Variants in GPR141 observed in about 807,000 individuals in gnomAD.
The protein encoded by GPR141 is probable G protein-coupled receptor 141.
In GPR141, 6 loss-of-function variants were observed where a neutral mutation model predicts 6.8. The observed-to-expected ratio is 0.88, with a 90% confidence interval of 0.48 to 1.74. The LOEUF (loss-of-function observed/expected upper bound fraction) is 1.74. Among genes scored for constraint, GPR141 ranks in the 40% most tolerant of loss-of-function variants. The pLI is 0.01. For missense variants in GPR141, 372 were observed against 372.9 expected (o/e 1.00, Z 0.02); for synonymous variants, 140 against 142.3 (o/e 0.98, Z 0.11).
intron 2 of GPR141, among the ~76,000 whole-genome samples, chr7:37,725,907 G>A (rs1470077083): frequency 4.0e-5 from 6 of 148,642 alleles, no homozygotes; most frequent in Non-Finnish European, 8.9e-5. Flanking sequence ...CTCATAATTT[G>A]CAAGCCATAC....
intron 2 of GPR141, among the ~76,000 whole-genome samples, chr7:37,722,412 A>G (rs2597270): frequency 0.78 from 116,773 of 150,306 alleles, 45,991 homozygotes; most frequent in African/African-American, 0.91. Flanking sequence ...GCACTATAGT[A>G]AGGTTCCCTC....
intron 2 of GPR141, among the ~76,000 whole-genome samples, chr7:37,686,820 T>A (rs959464362): frequency 6.6e-6 from 1 of 152,146 alleles, no homozygotes; most frequent in Non-Finnish European, 1.5e-5. Flanking sequence ...AGTCACTTTT[T>A]AAAAAGAGTG....
At chr7:37,709,408 T>C (rs1810687636) in intron 2 of GPR141, among the ~76,000 whole-genome samples, 1 of 152,228 alleles carries the variant, frequency 6.6e-6, no homozygotes, top group Admixed American at 6.5e-5. Flanking sequence ...ACTTAACTTA[T>C]TGTTAACAAA....
rs1439876874 is a variant in GPR141 at position 37,710,371 on chromosome 7, T to G, written c.-15+24788T>G. On this transcript the variant is annotated intron_variant, in intron 2 of 2. Coordinates refer to ENST00000334425, the MANE Select transcript of GPR141 (RefSeq NM_001381946.1). ...CAAGGCTGCCCTGAGTGATTTACTC[T>G]GTCTCCCCTCCAACCCTGCAGCTAC... 2.6e-5 allele frequency among the ~76,000 whole-genome samples: 4 copies of G among 152,196 alleles called. No homozygotes were observed. In the East Asian group the frequency reaches 5.8e-4, roughly 22 times the overall value.
At chr7:37,686,620 G>A (rs1809524156) in intron 2 of GPR141, among the ~76,000 whole-genome samples, 1 of 151,624 alleles carries the variant, frequency 6.6e-6, no homozygotes, top group Admixed American at 6.6e-5. Flanking sequence ...GGTTATATGA[G>A]TGAATAAGTG....
rs568201923 is a variant in GPR141 at position 37,742,633 on chromosome 7, CTG to C, written c.*1325_*1326del. On this transcript the variant is annotated 3_prime_UTR_variant, in exon 3 of 3. Coordinates refer to ENST00000334425, the MANE Select transcript of GPR141 (RefSeq NM_001381946.1). ...TATAGAAAAACCATTAATTTAGACT[CTG>C]TGAGATTAGGTTGCATGAAGAAGGT... Among the ~76,000 whole-genome samples the C allele has an allele frequency of 6.0e-3, 909 of 152,204 alleles. 5 individuals are homozygous for C. Among genetic ancestry groups the C allele is most frequent in the Middle Eastern group, 0.014 (4 of 294 alleles).
chr7:37,722,963 CTTCCTTCCTTCCTTCCTTCT>C (rs1398255030), intron 2 of GPR141, among the ~76,000 whole-genome samples: 10 of 135,140 alleles, frequency 7.4e-5, no homozygotes, highest in African/African-American at 1.1e-4. Flanking sequence ...TCCTTCCTTC[CTTCCTTCCTTCCTTCCTTCT>C]TTCTTTCTTT....
chr7:37,739,652 G>A (rs1562794032), intron 2 of GPR141, among the ~76,000 whole-genome samples: 2 of 152,098 alleles, frequency 1.3e-5, no homozygotes, highest in African/African-American at 2.4e-5. Context: ...ATTGTGGAGC[G>A]GATCTTTCAG....
chr7:37,742,929 A>T lies in GPR141; in HGVS notation c.*1618A>T, dbSNP rs1812639747. ...AATTACTTTTTGTAAAATTGTATTAATAACTTGTGGCATGTGGCACGTTAA... is the reference window on the plus strand; with the variant it reads ...AATTACTTTTTGTAAAATTGTATTATTAACTTGTGGCATGTGGCACGTTAA... On this transcript the variant is annotated 3_prime_UTR_variant, in exon 3 of 3. Transcript: ENST00000334425. Among the ~76,000 whole-genome samples the T allele has an allele frequency of 6.6e-6, 1 of 152,200 alleles. No homozygotes were observed. Among genetic ancestry groups the T allele is most frequent in the South Asian group, 2.1e-4 (1 of 4,832 alleles).
chr7:37,712,432 G>A (rs1810845365), intron 2 of GPR141, among the ~76,000 whole-genome samples: 1 of 152,128 alleles, frequency 6.6e-6, no homozygotes, highest in South Asian at 2.1e-4. Flanking sequence ...ACAAAGACAA[G>A]GAGGGTAATA....
chr7:37,738,940 C>G (rs1287914873), intron 2 of GPR141, among the ~76,000 whole-genome samples: 1 of 152,114 alleles, frequency 6.6e-6, no homozygotes, highest in African/African-American at 2.4e-5. Flanking sequence ...TATGGTCCCT[C>G]TAATGAGTAT....
intron 2 of GPR141, among the ~76,000 whole-genome samples, chr7:37,712,203 G>T (rs1810832050): frequency 6.6e-6 from 1 of 152,130 alleles, no homozygotes; most frequent in South Asian, 2.1e-4. Flanking sequence ...GCATCCCTGG[G>T]ATACTGAGAA....
chr7:37,689,499 A>G (rs1482940986), intron 2 of GPR141, among the ~76,000 whole-genome samples: 1 of 152,136 alleles, frequency 6.6e-6, no homozygotes, highest in African/African-American at 2.4e-5. Context: ...GGTAGGGTTC[A>G]GCAGCAAAGT....
At chr7:37,722,920 T>TC (rs1477234962) in intron 2 of GPR141, among the ~76,000 whole-genome samples, 43 of 145,116 alleles carry the variant, frequency 3.0e-4, no homozygotes, top group South Asian at 2.9e-3. Context: ...TTTTTCTTTT[T>TC]CCTTTCCTTC....
At position 37,741,244 on chromosome 7, in the gene GPR141, T is replaced by A; in HGVS notation, c.851T>A (p.Val284Asp). ...AGCTGCTATGATTTGCTTCTCTTTG[T>A]CTTTGGGGGAAGCCATTGGTTTAAG... ...AISCYDLLLF[V>D]FGGSHWFKQK... The change falls in exon 3 of 3, where the codon GTC (valine) becomes GAC (aspartate). Residue 284 changes from valine to aspartate, a missense_variant. Transcript: ENST00000334425. The A allele has an allele frequency of 1.2e-6, 2 of 1,611,682 alleles. No individual in the cohort carries two copies. The highest frequency in any genetic ancestry group is 8.5e-7 in the Non-Finnish European group (1 of 1,178,142).
At chr7:37,699,454 G>A (rs185177015) in intron 2 of GPR141, among the ~76,000 whole-genome samples, 159 of 152,282 alleles carry the variant, frequency 1.0e-3, no homozygotes, top group East Asian at 6.8e-3. Context: ...CCACCTACTC[G>A]GGAGGCTGAG....
chr7:37,690,330 G>A (rs372176202), intron 2 of GPR141, among the ~76,000 whole-genome samples: 4 of 152,124 alleles, frequency 2.6e-5, no homozygotes, highest in African/African-American at 9.7e-5. Flanking sequence ...TGTTTGGGTC[G>A]TGGGAGCAGA....
rs751441463 is a variant in GPR141, at chr7:37,740,363, T to G, written c.-14-17T>G. On this transcript the variant is annotated splice_polypyrimidine_tract_variant and intron_variant, in intron 2 of 2. Coordinates refer to ENST00000334425, the MANE Select transcript of GPR141 (RefSeq NM_001381946.1). ...TCTGAAAGCTTGTCAGTTACTCTGG[T>G]GCTTTTTCTCCTCCAGGTGACTTCC... The G allele has an allele frequency of 6.7e-7, 1 of 1,493,012 alleles. No homozygotes were observed. The highest frequency in any genetic ancestry group is 9.2e-7 in the Non-Finnish European group (1 of 1,092,612). 92.5% of individuals were successfully genotyped at this position (1,493,012 alleles called of 1,614,324 possible). A position where few individuals can be genotyped will look rare whatever the true frequency, so the allele number is the denominator to read the frequency against.
At chr7:37,721,245 C>T (rs1284126519) in intron 2 of GPR141, among the ~76,000 whole-genome samples, 1 of 151,444 alleles carries the variant, frequency 6.6e-6, no homozygotes, top group Non-Finnish European at 1.5e-5. Context: ...AGCTTCATTT[C>T]TTCAACTAAT....
Sources: allele counts gnomAD v4.1 joint callset (sites outside exome capture counted in the v4.1 genomes callset), GRCh38; gene constraint gnomAD v4.1.1; transcripts MANE v1.5; gene names NCBI Gene and HGNC (gene_info 2026-07-23, HGNC 2026-07-21).